KIAA1328: variants seen among roughly 807,000 people sequenced by gnomAD.
KIAA1328 encodes the protein protein hinderin.
A neutral mutation model predicts 68.1 loss-of-function variants in KIAA1328; 52 were observed. The observed-to-expected ratio is 0.76, with a 90% CI of 0.61 to 0.96. The LOEUF is 0.96. KIAA1328 is among the 40% of genes least tolerant of loss of function. The pLI is 0.00. For synonymous variants in KIAA1328, 232 were observed against 239.4 expected (o/e 0.97, Z 0.28); for missense variants, 641 against 677.6 (o/e 0.95, Z 0.60).
chr18:37,211,468 A>G (rs530192069), intron 9 of KIAA1328, among the ~76,000 whole-genome samples: 14 of 152,244 alleles, frequency 9.2e-5, no homozygotes, highest in Non-Finnish European at 1.9e-4. Flanking sequence ...TATAAGGAAT[A>G]TTTTGTCACT....
intron 6 of KIAA1328, among the ~76,000 whole-genome samples, chr18:36,996,582 A>T (rs898205545): frequency 6.6e-6 from 1 of 152,094 alleles, no homozygotes; most frequent in African/African-American, 2.4e-5. Context: ...ACATCTTACC[A>T]TCGTTTAAGG....
chr18:37,179,146 A>C (rs1283962026), intron 9 of KIAA1328, among the ~76,000 whole-genome samples: 1 of 152,188 alleles, frequency 6.6e-6, no homozygotes, highest in East Asian at 1.9e-4. Flanking sequence ...CATTTTCCTG[A>C]CCAATGTCAT....
chr18:37,105,360 G>A (rs1002931922), intron 7 of KIAA1328, among the ~76,000 whole-genome samples: 4 of 152,032 alleles, frequency 2.6e-5, no homozygotes, highest in African/African-American at 7.2e-5. Flanking sequence ...GTGTGGTGGT[G>A]CATGCCTGTT....
Position 37,223,504 on chromosome 18 carries a change from G to A in KIAA1328, c.*1277G>A, listed in dbSNP as rs768375799. The stretch of plus-strand genomic sequence containing the variant: ...AACTCTCCAGTCATTGAAAGCAAGG[G>A]GAGGGTGTGTTCCCAGATGTGTATT... On this transcript the variant is annotated 3_prime_UTR_variant, in exon 10 of 10. Transcript: ENST00000280020. 9.1e-6 allele frequency: 9 copies of A among 985,244 alleles called. No homozygotes were observed. The highest frequency in any genetic ancestry group is 1.1e-5 in the Non-Finnish European group (9 of 829,942). The allele number at this position is 985,244 out of a possible 1,614,324, so 61.0% of individuals were successfully genotyped here.
chr18:36,937,047 A>G (rs1017266170), intron 5 of KIAA1328, among the ~76,000 whole-genome samples: 3 of 152,338 alleles, frequency 2.0e-5, no homozygotes, highest in South Asian at 2.1e-4. Flanking sequence ...AACCTCAGAA[A>G]TAACACCACA....
chr18:37,184,946 G>C (rs957969622), intron 9 of KIAA1328, among the ~76,000 whole-genome samples: 1 of 151,936 alleles, frequency 6.6e-6, no homozygotes, highest in East Asian at 1.9e-4. Flanking sequence ...GGCGGATCAC[G>C]AGGTCAGGAG....
chr18:37,134,870 A>G (rs2154206151), intron 7 of KIAA1328, among the ~76,000 whole-genome samples: 1 of 152,192 alleles, frequency 6.6e-6, no homozygotes, highest in Admixed American at 6.5e-5. Context: ...CCCACCTTCT[A>G]GTAGTTCCCA....
intron 9 of KIAA1328, among the ~76,000 whole-genome samples, chr18:37,178,265 C>T (rs919246897): frequency 2.0e-5 from 3 of 152,070 alleles, no homozygotes. Flanking sequence ...TCTATGAGAT[C>T]AACGTTTCTA....
chr18:36,999,768 T>C (rs2151445340), intron 6 of KIAA1328, among the ~76,000 whole-genome samples: 1 of 150,866 alleles, frequency 6.6e-6, no homozygotes, highest in East Asian at 1.9e-4. Flanking sequence ...CTCAAGGGAG[T>C]CATAAACCTG....
At chr18:37,085,040 C>T (rs2151813288) in intron 7 of KIAA1328, among the ~76,000 whole-genome samples, 1 of 152,168 alleles carries the variant, frequency 6.6e-6, no homozygotes, top group Non-Finnish European at 1.5e-5. Flanking sequence ...AGGTCTGGTG[C>T]CTGAGGTCAG....
intron 6 of KIAA1328, among the ~76,000 whole-genome samples, chr18:37,024,848 G>A (rs887074176): frequency 1.2e-4 from 19 of 152,172 alleles, no homozygotes; most frequent in Admixed American, 3.9e-4. Flanking sequence ...ACATGTGCAT[G>A]TGTCTTTATA....
intron 7 of KIAA1328, among the ~76,000 whole-genome samples, chr18:37,089,173 T>C (rs1468544447): frequency 1.3e-5 from 2 of 151,984 alleles, no homozygotes; most frequent in Non-Finnish European, 2.9e-5. Flanking sequence ...TGTGTGTATG[T>C]GTGTGTTTGA....
chr18:36,878,072 C>T (rs11659681), intron 4 of KIAA1328, among the ~76,000 whole-genome samples: 20,721 of 152,048 alleles, frequency 0.14, 1,755 homozygotes, highest in Admixed American at 0.18. Context: ...GTTATTTTGC[C>T]TATTCGTTGA....
chr18:37,156,400 T>G (rs1010110474), intron 7 of KIAA1328, among the ~76,000 whole-genome samples: 11 of 118,120 alleles, frequency 9.3e-5, no homozygotes, highest in Non-Finnish European at 1.7e-4. Flanking sequence ...CACTCCAGCC[T>G]AGGTGACAAG....
intron 7 of KIAA1328, among the ~76,000 whole-genome samples, chr18:37,074,298 G>A (rs949350706): frequency 1.3e-5 from 2 of 152,108 alleles, no homozygotes; most frequent in African/African-American, 4.8e-5. Flanking sequence ...TCACCACATT[G>A]TTGTTTTTCT....
At chr18:37,133,971 A>G (rs374795371) in intron 7 of KIAA1328, among the ~76,000 whole-genome samples, 1 of 151,894 alleles carries the variant, frequency 6.6e-6, no homozygotes, top group Non-Finnish European at 1.5e-5. Flanking sequence ...TTATCATGCT[A>G]TAGAGCAGCA....
intron 7 of KIAA1328, among the ~76,000 whole-genome samples, chr18:37,116,599 G>A (rs974892325): frequency 2.6e-5 from 4 of 152,188 alleles, no homozygotes; most frequent in Non-Finnish European, 5.9e-5. Flanking sequence ...ACATAGGCAT[G>A]GGCAAGGACT....
intron 9 of KIAA1328, among the ~76,000 whole-genome samples, chr18:37,202,732 A>C (rs1426894711): frequency 6.6e-6 from 1 of 152,178 alleles, no homozygotes; most frequent in Non-Finnish European, 1.5e-5. Flanking sequence ...CAATTTTGGA[A>C]TGCATATTAA....
chr18:36,963,806 C>G (rs1362682348), intron 6 of KIAA1328, among the ~76,000 whole-genome samples: 2 of 152,200 alleles, frequency 1.3e-5, no homozygotes, highest in Non-Finnish European at 2.9e-5. Flanking sequence ...ATTCATCTAT[C>G]TCCCTTACCA....
Sources: allele counts gnomAD v4.1 joint callset (sites outside exome capture counted in the v4.1 genomes callset), GRCh38; gene constraint gnomAD v4.1.1; transcripts MANE v1.5; gene names NCBI Gene and HGNC (gene_info 2026-07-23, HGNC 2026-07-21).